Variants in GRIK2 observed in about 807,000 individuals in gnomAD.
GRIK2 encodes the protein glutamate ionotropic receptor kainate type subunit 2.
GRIK2 carries 32 observed loss-of-function variants against 100.3 expected under a neutral mutation model. That is an observed-to-expected ratio of 0.32 (90% CI 0.24 to 0.43). The LOEUF (loss-of-function observed/expected upper bound fraction) is 0.43. GRIK2 is among the 20% of genes least tolerant of loss of function. The pLI is 1.00. For synonymous variants in GRIK2, 417 were observed against 389.4 expected, an observed-to-expected ratio of 1.07 and a Z score of -0.83; for missense variants, 843 against 1,114.9, an observed-to-expected ratio of 0.76 and a Z score of 3.47.
rs1221433174 is a variant in GRIK2, at chr6:101,703,487, C to T, written c.951+17134C>T. ...TGATTTGACACGAAAGCATTGTTAG[C>T]GACCTCAATACTATTGTCTGCTTGG... On this transcript the variant is annotated intron_variant, in intron 7 of 16. Coordinates refer to ENST00000369134, the MANE Select transcript of GRIK2 (RefSeq NM_021956.5). Among the ~76,000 whole-genome samples, 5 of 151,826 alleles carry T rather than the reference C, an allele frequency of 3.3e-5. 1 individual carries two copies. The East Asian group carries it at 5.8e-4, about 18-fold the overall frequency.
rs145159128 is a variant in GRIK2 at position 101,899,229 on chromosome 6, C to A, written c.1748+9366C>A. Among the ~76,000 whole-genome samples the A allele has an allele frequency of 7.9e-3, 1,201 of 151,178 alleles. 21 individuals carry two copies. Among genetic ancestry groups the A allele is most frequent in the African/African-American group, 0.027 (1,136 of 41,326 alleles). On this transcript the variant is annotated intron_variant, in intron 12 of 16. Coordinates refer to ENST00000369134, the MANE Select transcript of GRIK2 (RefSeq NM_021956.5). ...AAATATAATTAGTAAAACAAATGAC[C>A]ATGCAAACTATTCTATTAACTTTTA...
intron 10 of GRIK2, among the ~76,000 whole-genome samples, chr6:101,839,355 T>C (rs61246943): frequency 0.04 from 6,160 of 152,212 alleles, 415 homozygotes; most frequent in African/African-American, 0.14. Context: ...AAAAGTATAT[T>C]TGAAGGCACA....
intron 12 of GRIK2, among the ~76,000 whole-genome samples, chr6:101,907,040 A>G (rs1186236774): frequency 1.3e-5 from 2 of 151,812 alleles, no homozygotes; most frequent in African/African-American, 4.8e-5. Flanking sequence ...TATAAAGCTA[A>G]TGAAACTGCT....
At chr6:102,066,880 A>G (rs988068626) in intron 16 of GRIK2, among the ~76,000 whole-genome samples, 2 of 151,714 alleles carry the variant, frequency 1.3e-5, no homozygotes, top group African/African-American at 4.8e-5. Context: ...CCATTAAGGA[A>G]ACTCTTTAAG....
intron 4 of GRIK2, among the ~76,000 whole-genome samples, chr6:101,633,104 C>G (rs552174188): frequency 6.6e-6 from 1 of 151,990 alleles, no homozygotes. Context: ...AAAAAGCTAG[C>G]GTAGGAGAGA....
At chr6:101,414,014 C>T (rs755961878) in intron 2 of GRIK2, among the ~76,000 whole-genome samples, 5 of 151,174 alleles carry the variant, frequency 3.3e-5, no homozygotes, top group African/African-American at 7.3e-5. Flanking sequence ...AGCAATAGGA[C>T]ACCAATAATT....
intron 15 of GRIK2, among the ~76,000 whole-genome samples, chr6:102,038,948 C>G (rs751312187): frequency 6.6e-6 from 1 of 151,198 alleles, no homozygotes; most frequent in African/African-American, 2.4e-5. Flanking sequence ...TCAAGAAAGC[C>G]TATGTGGTTT....
chr6:101,614,385 C>T (rs1258225687), intron 2 of GRIK2, among the ~76,000 whole-genome samples: 1 of 151,448 alleles, frequency 6.6e-6, no homozygotes, highest in Non-Finnish European at 1.5e-5. Flanking sequence ...TAAACAATTG[C>T]TTATATTTTT....
chr6:101,792,631 G>A (rs915218637), intron 7 of GRIK2, among the ~76,000 whole-genome samples: 1 of 152,114 alleles, frequency 6.6e-6, no homozygotes, highest in Admixed American at 6.5e-5. Flanking sequence ...CTCTCTGGCT[G>A]CCGTTAACAT....
At chr6:101,696,731 G>T (rs1284733333) in intron 7 of GRIK2, among the ~76,000 whole-genome samples, 1 of 151,644 alleles carries the variant, frequency 6.6e-6, no homozygotes, top group Non-Finnish European at 1.5e-5. Context: ...TATAGATTCA[G>T]AAACATAGAA....
chr6:101,694,266 A>T (rs141138506), intron 7 of GRIK2, among the ~76,000 whole-genome samples: 1 of 152,246 alleles, frequency 6.6e-6, no homozygotes, highest in Non-Finnish European at 1.5e-5. Context: ...AGGAAATACA[A>T]CATGGTCAAG....
intron 3 of GRIK2, among the ~76,000 whole-genome samples, chr6:101,625,736 A>C (rs1780399006): frequency 6.6e-6 from 1 of 152,206 alleles, no homozygotes; most frequent in Admixed American, 6.5e-5. Flanking sequence ...TTTAAAAAAT[A>C]GAATAATAGA....
intron 2 of GRIK2, among the ~76,000 whole-genome samples, chr6:101,552,395 G>T (rs897685939): frequency 2.0e-5 from 3 of 152,086 alleles, no homozygotes; most frequent in Non-Finnish European, 2.9e-5. Context: ...CCAGCTGGTA[G>T]TATCTTATGG....
At chr6:101,620,010 C>T (rs542384906) in intron 2 of GRIK2, 1 of 152,264 alleles carries the variant, frequency 6.6e-6, no homozygotes, top group African/African-American at 2.4e-5. Context: ...TCTGTGACAG[C>T]CACTCTAAAT....
intron 7 of GRIK2, among the ~76,000 whole-genome samples, chr6:101,717,239 G>T (rs534976124): frequency 1.3e-5 from 2 of 151,686 alleles, no homozygotes; most frequent in African/African-American, 4.8e-5. Context: ...AACGAAGGGG[G>T]TTGGATGAAA....
chr6:102,040,408 AC>A (rs1770502703), intron 15 of GRIK2, among the ~76,000 whole-genome samples: 2 of 151,542 alleles, frequency 1.3e-5, no homozygotes, highest in Admixed American at 6.6e-5. Context: ...TCCTCAAGTA[AC>A]TTTTATCAAA....
intron 2 of GRIK2, among the ~76,000 whole-genome samples, chr6:101,506,119 A>G (rs979525621): frequency 6.6e-6 from 1 of 152,112 alleles, no homozygotes; most frequent in African/African-American, 2.4e-5. Flanking sequence ...CATTTTACAG[A>G]TGAGGTCTAA....
chr6:101,542,196 A>T (rs1231290282), intron 2 of GRIK2, among the ~76,000 whole-genome samples: 1 of 151,990 alleles, frequency 6.6e-6, no homozygotes, highest in Non-Finnish European at 1.5e-5. Context: ...AGTAGAACTA[A>T]TCATAGTTTA....
chr6:101,516,354 T>A (rs1029401534), intron 2 of GRIK2, among the ~76,000 whole-genome samples: 1 of 152,042 alleles, frequency 6.6e-6, no homozygotes, highest in Non-Finnish European at 1.5e-5. Context: ...AAGGCCATAG[T>A]CACCAAAAGA....
Sources: allele counts gnomAD v4.1 joint callset (sites outside exome capture counted in the v4.1 genomes callset), GRCh38; gene constraint gnomAD v4.1.1; transcripts MANE v1.5; gene names NCBI Gene and HGNC (gene_info 2026-07-23, HGNC 2026-07-21).